The following FAT3 variants were observed in gnomAD, a reference collection of about 807,000 sequenced individuals.
FAT3 encodes FAT atypical cadherin 3.
A neutral mutation model predicts 310.2 loss-of-function variants in FAT3; 95 were observed. The observed-to-expected ratio is 0.31, with a 90% CI of 0.26 to 0.36. The LOEUF is 0.36. Among genes scored for constraint, FAT3 ranks in the 10% least tolerant of loss-of-function variants. FAT3 has a pLI of 1.00. For missense variants in FAT3, 5,408 were observed against 5,715.6 expected, an observed-to-expected ratio of 0.95 and a Z score of 1.74; for synonymous variants, 2,314 against 2,192.9, an observed-to-expected ratio of 1.06 and a Z score of -1.54.
At chr11:92,662,745 A>G (rs981309164) in intron 3 of FAT3, among the ~76,000 whole-genome samples, 1 of 152,160 alleles carries the variant, frequency 6.6e-6, no homozygotes, top group Admixed American at 6.5e-5. Context: ...AATCTTTGCA[A>G]TTTTGTCAGC....
intron 3 of FAT3, among the ~76,000 whole-genome samples, chr11:92,531,163 A>G (rs1228844351): frequency 6.6e-6 from 1 of 152,230 alleles, no homozygotes; most frequent in African/African-American, 2.4e-5. Context: ...TCTTTCAGCC[A>G]TGAAAGGAGC....
intron 2 of FAT3, among the ~76,000 whole-genome samples, chr11:92,447,607 T>A (rs1348487632): frequency 2.0e-5 from 3 of 152,120 alleles, no homozygotes; most frequent in African/African-American, 4.8e-5. Flanking sequence ...TTGAGGACAA[T>A]GATGGTAACA....
intron 3 of FAT3, among the ~76,000 whole-genome samples, chr11:92,685,086 T>C (rs573983): frequency 0.57 from 87,344 of 152,126 alleles, 26,957 homozygotes; most frequent in African/African-American, 0.81. Context: ...GTAACCTCTC[T>C]TTTCCTTTTT....
At chr11:92,334,966 G>T (rs187950461) in intron 1 of FAT3, among the ~76,000 whole-genome samples, 23 of 152,306 alleles carry the variant, frequency 1.5e-4, no homozygotes, top group Admixed American at 4.6e-4. Flanking sequence ...GAAGGGACTG[G>T]TGTCACCAGG....
chr11:92,384,899 G>T (rs1949582652), intron 2 of FAT3, among the ~76,000 whole-genome samples: 1 of 152,104 alleles, frequency 6.6e-6, no homozygotes, highest in Non-Finnish European at 1.5e-5. Context: ...TGCTTCCACG[G>T]AGCTGCTGTT....
Position 92,462,927 on chromosome 11 carries a change from T to C in FAT3, c.3293-61707T>C, listed in dbSNP as rs564065293. On this transcript the variant is annotated intron_variant, in intron 2 of 27. Transcript: ENST00000525166. ...TTCCTGCAGTCAACTCTGTTGCCCATTGGCATTTTTTAAGTCCTTTATCCT... is the reference window on the plus strand; with the variant it reads ...TTCCTGCAGTCAACTCTGTTGCCCACTGGCATTTTTTAAGTCCTTTATCCT... Among the ~76,000 whole-genome samples, 13 of 152,334 alleles carry C rather than the reference T, an allele frequency of 8.5e-5. No individual in the cohort carries two copies. In the South Asian group the frequency reaches 1.4e-3, roughly 17 times the overall value.
In FAT3 at chr11:92,777,386, T is replaced by C. The variant is rs148353560; in HGVS notation, c.4335+3206T>C. On this transcript the variant is annotated intron_variant, in intron 7 of 27. Transcript: ENST00000525166. ...ATTCTCCCAACTCTCACAGGATTCA[T>C]GTGCCTCAGAGCTACAATATCTAAT... 8.3e-4 allele frequency among the ~76,000 whole-genome samples: 126 copies of C among 152,308 alleles called. 2 individuals carry two copies. The East Asian group carries it at 0.023, about 28-fold the overall frequency.
At chr11:92,761,474 C>T (rs1394362512) in intron 4 of FAT3, among the ~76,000 whole-genome samples, 2 of 152,122 alleles carry the variant, frequency 1.3e-5, no homozygotes, top group Non-Finnish European at 2.9e-5. Flanking sequence ...AACATTCCAG[C>T]AGGGCTCATT....
At chr11:92,676,426 CAG>C (rs1441658858) in intron 3 of FAT3, among the ~76,000 whole-genome samples, 2 of 152,142 alleles carry the variant, frequency 1.3e-5, no homozygotes, top group East Asian at 3.9e-4. Flanking sequence ...GACTGAAATC[CAG>C]TCTGCCTGGT....
intron 2 of FAT3, among the ~76,000 whole-genome samples, chr11:92,521,317 CA>C (rs922812307): frequency 6.6e-6 from 1 of 151,964 alleles, no homozygotes; most frequent in African/African-American, 2.4e-5. Flanking sequence ...CTTTCACACA[CA>C]AAAAAATTAT....
At chr11:92,505,318 A>G (rs1028889792) in intron 2 of FAT3, among the ~76,000 whole-genome samples, 2 of 152,084 alleles carry the variant, frequency 1.3e-5, no homozygotes, top group African/African-American at 4.8e-5. Context: ...CTGCTTCCAC[A>G]ACTGTTGTTG....
chr11:92,682,689 TA>T (rs1382279764), intron 3 of FAT3, among the ~76,000 whole-genome samples: 1 of 152,178 alleles, frequency 6.6e-6, no homozygotes, highest in African/African-American at 2.4e-5. Flanking sequence ...CTTTTCATGC[TA>T]AAACCAGAAC....
intron 3 of FAT3, among the ~76,000 whole-genome samples, chr11:92,616,005 G>A (rs1427472966): frequency 6.6e-6 from 1 of 152,188 alleles, no homozygotes; most frequent in African/African-American, 2.4e-5. Context: ...ACTTGGTGCA[G>A]AGCTGAGTTC....
At chr11:92,415,373 G>A (rs997042243) in intron 2 of FAT3, among the ~76,000 whole-genome samples, 3 of 152,174 alleles carry the variant, frequency 2.0e-5, no homozygotes, top group Admixed American at 6.5e-5. Flanking sequence ...AGATGTTTGT[G>A]TGTTCTTGGC....
rs1218566215 is a variant in FAT3, at chr11:92,408,316, G to A, written c.3292+52912G>A. On this transcript the variant is annotated intron_variant, in intron 2 of 27. Transcript: ENST00000525166. ...AATTCCAAATGTAGCCACAAAGTGG[G>A]GTTAGGGCTTCAACATATGAGTTTG... The A allele has an allele frequency of 2.0e-5, 3 of 152,198 alleles. No homozygotes were observed. In the East Asian group the frequency reaches 5.8e-4, roughly 29 times the overall value. The allele number at this position is 152,198 out of a possible 1,614,324, so 9.4% of individuals were successfully genotyped here.
At chr11:92,344,228 A>G (rs1018799077) in intron 1 of FAT3, among the ~76,000 whole-genome samples, 1 of 152,182 alleles carries the variant, frequency 6.6e-6, no homozygotes, top group Non-Finnish European at 1.5e-5. Context: ...AACATATCAA[A>G]TGGAAAATTC....
At chr11:92,703,122 C>T (rs976914985) in intron 4 of FAT3, among the ~76,000 whole-genome samples, 1 of 152,162 alleles carries the variant, frequency 6.6e-6, no homozygotes, top group African/African-American at 2.4e-5. Context: ...AATTTTTCTT[C>T]CTGTCTGAAG....
intron 2 of FAT3, among the ~76,000 whole-genome samples, chr11:92,469,429 T>A (rs1002927378): frequency 6.6e-6 from 1 of 152,150 alleles, no homozygotes; most frequent in Non-Finnish European, 1.5e-5. Flanking sequence ...TACATTAAGA[T>A]ATTAATTGTG....
At chr11:92,746,172 G>T (rs1053288727) in intron 4 of FAT3, among the ~76,000 whole-genome samples, 2 of 152,184 alleles carry the variant, frequency 1.3e-5, no homozygotes, top group Non-Finnish European at 2.9e-5. Context: ...GTATTAGTCT[G>T]TTCTCATGCT....
Sources: gnomAD v4.1 joint callset for allele counts (sites outside exome capture counted in the v4.1 genomes callset) on GRCh38, gnomAD v4.1.1 for gene constraint, MANE v1.5 for transcripts, NCBI Gene and HGNC (gene_info 2026-07-23, HGNC 2026-07-21) for gene names.